Variants in ANK1 observed in about 807,000 individuals in gnomAD.
ANK1 encodes the protein ankyrin-1.
Under a neutral mutation model 210.4 loss-of-function variants are expected in ANK1, and 51 were observed. The observed-to-expected ratio is 0.24, with a 90% CI of 0.19 to 0.31. The LOEUF is 0.31. ANK1 is among the 10% of genes least tolerant of loss of function. The pLI is 1.00. For missense variants in ANK1, 2,051 were observed against 2,504.4 expected (o/e 0.82, Z 3.86); for synonymous variants, 967 against 1,025.9 (o/e 0.94, Z 1.10).
At chr8:41,683,780 G>A (rs1347798551) in intron 37 of ANK1, among the ~76,000 whole-genome samples, 3 of 152,180 alleles carry the variant, frequency 2.0e-5, no homozygotes, top group African/African-American at 7.2e-5. Context: ...CTGTTTATGT[G>A]CCCGCTGGCC....
intron 34 of ANK1, 98 bp from the exon 35 acceptor site, chr8:41,688,328 T>C: frequency 6.9e-7 from 1 of 1,457,436 alleles, no homozygotes; most frequent in Non-Finnish European, 9.6e-7. Flanking sequence ...CCGTGTGCAC[T>C]GGGGTGATTG....
intron 2 of ANK1, among the ~76,000 whole-genome samples, chr8:41,755,726 C>A (rs530652764): frequency 2.4e-4 from 36 of 152,346 alleles, no homozygotes; most frequent in Admixed American, 1.2e-3. Flanking sequence ...TGCCTCCAGG[C>A]TTTGCTGCAT....
intron 1 of ANK1, among the ~76,000 whole-genome samples, chr8:41,885,004 G>T (rs780074435): frequency 6.6e-6 from 1 of 151,970 alleles, no homozygotes; most frequent in Admixed American, 6.6e-5. Flanking sequence ...CATCCTCAAG[G>T]CAGGGGAAAG....
chr8:41,759,775 C>T (rs929963954), intron 1 of ANK1, among the ~76,000 whole-genome samples: 10 of 152,102 alleles, frequency 6.6e-5, no homozygotes, highest in East Asian at 3.8e-4. Context: ...CACATGCACA[C>T]GCACAGATAA....
chr8:41,865,092 G>A (rs1234548388), intron 1 of ANK1, among the ~76,000 whole-genome samples: 1 of 152,166 alleles, frequency 6.6e-6, no homozygotes, highest in Admixed American at 6.5e-5. Flanking sequence ...GTGTGGCGCT[G>A]CACACACCCT....
chr8:41,752,798 GC>G (rs55895448), intron 2 of ANK1, among the ~76,000 whole-genome samples: 2 of 145,798 alleles, frequency 1.4e-5, no homozygotes, highest in South Asian at 2.3e-4. Flanking sequence ...GCACACACAG[GC>G]CCCCCCCCAC....
At chr8:41,671,291 C>T (rs1046828830) in intron 38 of ANK1, among the ~76,000 whole-genome samples, 5 of 152,144 alleles carry the variant, frequency 3.3e-5, no homozygotes, top group African/African-American at 7.2e-5. Context: ...GTGGGGAGGG[C>T]GCCATTATCA....
Position 41,694,521 on chromosome 8 carries a change from A to T in ANK1, c.3327+71T>A. 1 of 1,425,642 alleles carries T rather than the reference A, an allele frequency of 7.0e-7. No individual in the cohort carries two copies. Among genetic ancestry groups the T allele is most frequent in the Non-Finnish European group, 9.7e-7 (1 of 1,028,132 alleles). The allele number at this position is 1,425,642 out of a possible 1,614,324, so 88.3% of individuals were successfully genotyped here. ...ACAAAAGTGTGGGGATGTCCTGGGGAAGAGGGTGGCCTTCCCGGAGGCCTG... is the reference window on the plus strand; with the variant it reads ...ACAAAAGTGTGGGGATGTCCTGGGGTAGAGGGTGGCCTTCCCGGAGGCCTG... On this transcript the variant is annotated intron_variant, in intron 28 of 42. Coordinates refer to ENST00000289734, the MANE Select transcript of ANK1 (RefSeq NM_000037.4). This position sits in a 1 kb window ranked among gnomAD's most constrained non-coding sequence, Gnocchi z 5.7.
chr8:41,795,742 AGACCAGGAAG>A (rs1448535175), intron 1 of ANK1, among the ~76,000 whole-genome samples: 5 of 151,844 alleles, frequency 3.3e-5, no homozygotes, highest in Admixed American at 2.0e-4. Flanking sequence ...TAGATACCAG[AGACCAGGAAG>A]GGTGGGTGGG....
chr8:41,694,599 G>A lies in ANK1; in HGVS notation c.3320C>T (p.Ala1107Val), dbSNP rs776693558. The A allele has an allele frequency of 3.7e-6, 6 of 1,613,102 alleles. No homozygotes were observed. In the South Asian group the frequency reaches 5.5e-5, roughly 15 times the overall value. The change falls in exon 28 of 43, where the codon GCT becomes GTT. Residue 1107 changes from alanine (A) to valine (V), a missense_variant. Around this residue, in one of 6 missense-constraint regions of ANK1, gnomAD observed 1,413 missense variants for 1,707.4 expected, o/e 0.83. Coordinates refer to ENST00000289734, the MANE Select transcript of ANK1 (RefSeq NM_000037.4). This position sits in a 1 kb window ranked among gnomAD's most constrained non-coding sequence, Gnocchi z 5.7. ...ENAVTKRVKL[A>V]LQAQPVPDEL... ...GGGGAGGAGGGCTGTCACCTGCAGA[G>A]CCAGCTTCACTCTCTTGGTGACGGC... is the stretch of plus-strand genomic sequence containing the variant.
At chr8:41,801,172 C>T (rs1849803963), upstream of ANK1, among the ~76,000 whole-genome samples, 1 of 151,906 alleles carries the variant, frequency 6.6e-6, no homozygotes, top group Non-Finnish European at 1.5e-5. Context: ...GTGCAGTGAC[C>T]CCATCACGAT....
At chr8:41,794,744 A>G (rs182757738) in intron 1 of ANK1, among the ~76,000 whole-genome samples, 95 of 152,250 alleles carry the variant, frequency 6.2e-4, no homozygotes, top group Middle Eastern at 3.4e-3. Context: ...TCACTCTGTC[A>G]CCCAGGCTGG....
rs1273686107 is a variant in ANK1 at position 41,869,566 on chromosome 8, C to T, written c.126+26789G>A. Among the ~76,000 whole-genome samples the T allele has an allele frequency of 5.3e-5, 8 of 151,938 alleles. No individual in the cohort carries two copies. In the South Asian group the frequency reaches 6.2e-4, roughly 12 times the overall value. ...CTGCATTCCAGCCTGGGTGACAGAGCGAGACCATCTAAAATTTAAAAAAAA... is the reference window on the plus strand; with the variant it reads ...CTGCATTCCAGCCTGGGTGACAGAGTGAGACCATCTAAAATTTAAAAAAAA... On this transcript the variant is annotated intron_variant, in intron 1 of 42. Coordinates refer to the ANK1 transcript ENST00000265709.
In ANK1 at chr8:41,733,972, T is replaced by G. The variant is rs1246916045; in HGVS notation, c.227A>C (p.Lys76Thr). 6.2e-7 allele frequency: 1 copy of G among 1,613,900 alleles called. No individual in the cohort carries two copies. The highest frequency in any genetic ancestry group is 1.3e-5 in the African/African-American group (1 of 74,936). ...HKEIILETTTKKGNTALHIAA... is the reference protein window; with the variant it reads ...HKEIILETTTTKGNTALHIAA... ...TCCCCCACTCCCTGTGAGACATACC[T>G]TGGTTGTCGTTTCTAGAATGATTTC... Residue 76 changes from lysine to threonine, a missense_variant and splice_region_variant, in exon 3 of 43, where the codon AAG becomes ACG. By Grantham distance (78) the Lys-to-Thr change is moderately conservative. Transcript: ENST00000289734.
At chr8:41,723,812 C>T (rs182181603) in intron 7 of ANK1, among the ~76,000 whole-genome samples, 179 bp from the exon 8 acceptor site, 3,290 of 144,480 alleles carry the variant, frequency 0.023, 125 homozygotes, top group African/African-American at 0.079. Context: ...TTTTTTGAGA[C>T]GGAGTCTCGC....
At chr8:41,799,179 T>C (rs1278050794), upstream of ANK1, among the ~76,000 whole-genome samples, 1 of 152,108 alleles carries the variant, frequency 6.6e-6, no homozygotes, top group Non-Finnish European at 1.5e-5. Flanking sequence ...TTGTTGTTGT[T>C]GTTGTTTGTT....
At chr8:41,822,920 G>A (rs1804725905) in intron 1 of ANK1, among the ~76,000 whole-genome samples, 1 of 152,214 alleles carries the variant, frequency 6.6e-6, no homozygotes, top group African/African-American at 2.4e-5. Context: ...GCTGATCTGG[G>A]GCGCTCCGTG....
intron 1 of ANK1, among the ~76,000 whole-genome samples, chr8:41,826,707 T>C (rs1805449936): frequency 6.6e-6 from 1 of 152,214 alleles, no homozygotes; most frequent in Non-Finnish European, 1.5e-5. Flanking sequence ...TTTTGATGCA[T>C]TTGCTTAGTC....
At chr8:41,715,549 T>A in intron 14 of ANK1, 103 bp downstream of exon 14, 1 of 1,422,802 alleles carries the variant, frequency 7.0e-7, no homozygotes, top group Non-Finnish European at 9.7e-7. Flanking sequence ...GCTTGCAGCA[T>A]CATTGAGGTG....
Sources: allele counts gnomAD v4.1 joint callset (sites outside exome capture counted in the v4.1 genomes callset), GRCh38; gene constraint gnomAD v4.1.1; regional missense constraint gnomAD v4.1.1; non-coding constraint Gnocchi (gnomAD v3.1); transcripts MANE v1.5; gene names NCBI Gene and HGNC (gene_info 2026-07-23, HGNC 2026-07-21).